Variants in EDN1 observed in about 807,000 individuals in gnomAD.
EDN1 encodes the protein endothelin-1.
In EDN1, 11 loss-of-function variants were observed where a neutral mutation model predicts 21.7. The observed-to-expected ratio is 0.51, with a 90% CI of 0.32 to 0.84. The LOEUF is 0.84. Among genes scored for constraint, EDN1 ranks in the 40% least tolerant of loss-of-function variants. The probability of loss-of-function intolerance (pLI) is 0.03; values close to 1 mark genes in which losing one functional copy is unlikely to be tolerated. For missense variants in EDN1, 244 were observed against 262.3 expected (o/e 0.93, Z 0.48); for synonymous variants, 85 against 90.6 (o/e 0.94, Z 0.35).
the EDN1 span, among the ~76,000 whole-genome samples, chr6:12,245,896 C>T: frequency 9.4e-3 from 1,438 of 152,276 alleles, 19 homozygotes; most frequent in African/African-American, 0.032. Flanking sequence ...AAGCAGAAAA[C>T]TGTTTAAAAT....
In EDN1 at chr6:12,292,352, G is replaced by C; in HGVS notation, c.76G>C (p.Ala26Pro). Residue 26 changes from alanine to proline, a missense_variant, in exon 2 of 5, where the codon GCT becomes CCT. Coordinates refer to ENST00000379375, the MANE Select transcript of EDN1 (RefSeq NM_001955.5). The stretch of plus-strand genomic sequence containing the variant: ...CTTTCTCTCCCCAGCAGTCTTAGGC[G>C]CTGAGCTCAGCGCGGTGGGTGAGAA... ...QGAPETAVLG[A>P]ELSAVGENGG... 1 of 1,614,090 alleles carries C rather than the reference G, an allele frequency of 6.2e-7. No individual in the cohort carries two copies.
chr6:12,288,181 G>A (rs551011088), upstream of EDN1, among the ~76,000 whole-genome samples: 1 of 152,058 alleles, frequency 6.6e-6, no homozygotes, highest in African/African-American at 2.4e-5. Flanking sequence ...CCGGGTAGGG[G>A]CCTTGAGAAC....
chr6:12,252,641 C>T, the EDN1 span, among the ~76,000 whole-genome samples: 33 of 152,296 alleles, frequency 2.2e-4, no homozygotes, highest in African/African-American at 7.7e-4. Flanking sequence ...GGGGGCCTGA[C>T]TTCTCTTAAG....
the EDN1 span, among the ~76,000 whole-genome samples, chr6:12,281,588 AT>A: frequency 6.7e-6 from 1 of 150,042 alleles, no homozygotes; most frequent in African/African-American, 2.5e-5. Context: ...ATGAGTAGAC[AT>A]TAGTTTCTGT....
chr6:12,241,396 C>G, the EDN1 span, among the ~76,000 whole-genome samples: 1,852 of 151,888 alleles, frequency 0.012, 16 homozygotes, highest in Non-Finnish European at 0.019. Flanking sequence ...GTCTTGAACT[C>G]CTGACCTCAG....
the EDN1 span, among the ~76,000 whole-genome samples, chr6:12,259,820 C>G: frequency 6.6e-6 from 1 of 152,070 alleles, no homozygotes; most frequent in African/African-American, 2.4e-5. Context: ...TCAAGAACCT[C>G]CTCTCTTTCA....
At chr6:12,241,180 T>TTTTA in the EDN1 span, among the ~76,000 whole-genome samples, 1 of 151,084 alleles carries the variant, frequency 6.6e-6, no homozygotes, top group Middle Eastern at 3.4e-3. Flanking sequence ...TTTTTTTTTT[T>TTTTA]ATTGAGATGG....
the EDN1 span, among the ~76,000 whole-genome samples, chr6:12,247,060 CAT>C: frequency 6.6e-6 from 1 of 152,212 alleles, no homozygotes; most frequent in Admixed American, 6.5e-5. Flanking sequence ...TCACTACACA[CAT>C]GTTTTTATGA....
chr6:12,265,927 T>C, the EDN1 span, among the ~76,000 whole-genome samples: 1 of 152,146 alleles, frequency 6.6e-6, no homozygotes, highest in Non-Finnish European at 1.5e-5. Context: ...CCTGGTTAAG[T>C]TGAGGGAACC....
the EDN1 span, among the ~76,000 whole-genome samples, chr6:12,253,873 C>A: frequency 1.3e-5 from 2 of 152,142 alleles, no homozygotes; most frequent in South Asian, 2.1e-4. Flanking sequence ...CAATCTACCG[C>A]CCGTGACGTT....
At chr6:12,263,431 C>T in the EDN1 span, among the ~76,000 whole-genome samples, 2 of 152,172 alleles carry the variant, frequency 1.3e-5, no homozygotes, top group Non-Finnish European at 2.9e-5. Context: ...AAAATTCACC[C>T]AAGATCTGGT....
chr6:12,264,415 A>C, the EDN1 span, among the ~76,000 whole-genome samples: 2 of 152,216 alleles, frequency 1.3e-5, no homozygotes, highest in African/African-American at 4.8e-5. Flanking sequence ...CATTTTTCCA[A>C]AAATAATAGG....
chr6:12,290,516 G>A lies in EDN1; in HGVS notation c.-114G>A. 1 of 859,176 alleles carries A rather than the reference G, an allele frequency of 1.2e-6. No homozygotes were observed. Among genetic ancestry groups the A allele is most frequent in the Non-Finnish European group, 1.9e-6 (1 of 513,270 alleles). The allele number at this position is 859,176 out of a possible 1,614,324, so 53.2% of individuals were successfully genotyped here. A position where few individuals can be genotyped will look rare whatever the true frequency, so the allele number is the denominator to read the frequency against. ...CCGTTAAAAGGGCACTTGGGCTGAA[G>A]GATCGCTTTGAGATCTGAGGAACCC... On this transcript the variant is annotated 5_prime_UTR_variant, in exon 1 of 5. Transcript: ENST00000379375.
intron 1 of EDN1, among the ~76,000 whole-genome samples, chr6:12,290,914 C>T (rs1208807727): frequency 1.3e-5 from 2 of 152,154 alleles, no homozygotes; most frequent in Non-Finnish European, 2.9e-5. Flanking sequence ...TATAACATGA[C>T]ATTAAAATAA....
chr6:12,247,956 G>C, the EDN1 span, among the ~76,000 whole-genome samples: 1 of 152,030 alleles, frequency 6.6e-6, no homozygotes, highest in Admixed American at 6.6e-5. Flanking sequence ...AGATGTTAAA[G>C]GATAAATAAA....
the EDN1 span, among the ~76,000 whole-genome samples, chr6:12,263,927 T>A: frequency 6.6e-6 from 1 of 152,228 alleles, no homozygotes; most frequent in South Asian, 2.1e-4. Context: ...CTAGCTTTCC[T>A]AAAACTTGTT....
At chr6:12,239,200 T>G in the EDN1 span, among the ~76,000 whole-genome samples, 1 of 152,230 alleles carries the variant, frequency 6.6e-6, no homozygotes, top group East Asian at 1.9e-4. Context: ...GTTGCCTCAA[T>G]CATTCGTGTT....
chr6:12,235,756 C>T, the EDN1 span, among the ~76,000 whole-genome samples: 1 of 152,180 alleles, frequency 6.6e-6, no homozygotes, highest in Non-Finnish European at 1.5e-5. Context: ...CCATAGGTGA[C>T]TATTGAGCAT....
the EDN1 span, among the ~76,000 whole-genome samples, chr6:12,266,896 C>A: frequency 6.6e-6 from 1 of 152,206 alleles, no homozygotes; most frequent in Non-Finnish European, 1.5e-5. Flanking sequence ...TCTCTCAGAA[C>A]TTAAAAATTC....
Sources: gnomAD v4.1 joint callset for allele counts (sites outside exome capture counted in the v4.1 genomes callset) on GRCh38, gnomAD v4.1.1 for gene constraint, MANE v1.5 for transcripts, NCBI Gene and HGNC (gene_info 2026-07-23, HGNC 2026-07-21) for gene names.